Variants in GOSR2 observed in about 807,000 individuals in gnomAD.
GOSR2 encodes the protein 27 kDa Golgi SNARE protein.
GOSR2 carries 20 observed loss-of-function variants against 27.9 expected under a neutral mutation model. The ratio of observed to expected loss-of-function variants is 0.72; its 90% CI spans 0.50 to 1.04. The LOEUF (loss-of-function observed/expected upper bound fraction) is 1.04, where lower values mean the gene tolerates loss of function less well. GOSR2 is among the 50% of genes least tolerant of loss of function. The pLI is 0.00. For missense variants in GOSR2, 261 were observed against 270.5 expected (o/e 0.97, Z 0.25); for synonymous variants, 91 against 98.8 (o/e 0.92, Z 0.47).
chr17:46,923,501 AC>A, intron 1 of GOSR2: 1 of 1,378,316 alleles, frequency 7.3e-7, no homozygotes, highest in East Asian at 2.7e-5. Flanking sequence ...GGAAACTGGC[AC>A]CTGCAGGTTA....
intron 6 of GOSR2, among the ~76,000 whole-genome samples, chr17:46,953,690 T>A (rs2090528128): frequency 6.6e-6 from 1 of 151,698 alleles, no homozygotes; most frequent in Non-Finnish European, 1.5e-5. Flanking sequence ...CCTATTTCTC[T>A]CCAGCAGCTG....
At chr17:46,973,269 C>G (rs1469150382) in intron 6 of GOSR2, among the ~76,000 whole-genome samples, 1 of 151,856 alleles carries the variant, frequency 6.6e-6, no homozygotes, top group Non-Finnish European at 1.5e-5. Flanking sequence ...ATGACAATCT[C>G]ATATGACAGC....
At chr17:46,932,009 C>G (rs986680784) in intron 3 of GOSR2, 58 bp from the exon 4 acceptor site, 12 of 1,534,690 alleles carry the variant, frequency 7.8e-6, no homozygotes, top group Non-Finnish European at 1.1e-5. Flanking sequence ...AGCCTGGCCC[C>G]CTCAGATTCT....
intron 6 of GOSR2, among the ~76,000 whole-genome samples, chr17:46,962,190 G>A (rs566154794): frequency 2.0e-4 from 31 of 152,086 alleles, no homozygotes; most frequent in Non-Finnish European, 3.7e-4. Flanking sequence ...TTAGCCGGGC[G>A]TGATGGCATG....
intron 1 of GOSR2, among the ~76,000 whole-genome samples, chr17:46,927,129 A>G (rs2086614170): frequency 6.6e-6 from 1 of 152,022 alleles, no homozygotes; most frequent in Non-Finnish European, 1.5e-5. Context: ...ATTGCTTTTC[A>G]TTTGTGTTTT....
At chr17:46,923,276 C>G in intron 1 of GOSR2, 55 bp downstream of exon 1, 3 of 1,550,286 alleles carry the variant, frequency 1.9e-6, no homozygotes, top group South Asian at 2.4e-5. Context: ...CCAGGTGAGC[C>G]TGGCTTCTGG....
chr17:46,958,732 C>G (rs2090883448), intron 6 of GOSR2, among the ~76,000 whole-genome samples: 1 of 152,194 alleles, frequency 6.6e-6, no homozygotes, highest in South Asian at 2.1e-4. Flanking sequence ...AGAGATGGAG[C>G]CAACTTCCGG....
intron 6 of GOSR2, among the ~76,000 whole-genome samples, chr17:46,957,659 C>G (rs187539054): frequency 6.6e-6 from 1 of 152,120 alleles, no homozygotes; most frequent in Admixed American, 6.5e-5. Flanking sequence ...AGCAGGAAGC[C>G]CAGGTGAGGA....
In GOSR2 at chr17:46,923,197, A is replaced by G. The variant is rs1413496484; in HGVS notation, c.5A>G (p.Asp2Gly). M[D>G]PLFQQTHKQV... ...GTGGCCTGCGGGGCCGGCGACATGG[A>G]TCCCCTGTTCCAGCAAACGCACAAG... The change falls in exon 1 of 6, where the codon GAT (aspartate) becomes GGT (glycine). Residue 2 changes from aspartate to glycine, a missense_variant. Asp to Gly is a moderately conservative substitution (Grantham distance 94, BLOSUM62 -1). Coordinates refer to ENST00000640051, the MANE Select transcript of GOSR2 (RefSeq NM_004287.5). 18 of 1,547,378 alleles carry G rather than the reference A, an allele frequency of 1.2e-5. No homozygotes were observed. Among genetic ancestry groups the G allele is most frequent in the East Asian group, 9.8e-5 (4 of 40,906 alleles).
At position 46,955,330 on chromosome 17, in the gene GOSR2, G is replaced by A. The variant is rs568329055; in HGVS notation, c.584-11204G>A. Reference sequence around the variant, plus strand: ...TGCTGGATTACGTTTATTGATTTTCGTATGTTGAACCAGCCTTGCATCCCA... The same window carrying A: ...TGCTGGATTACGTTTATTGATTTTCATATGTTGAACCAGCCTTGCATCCCA... On this transcript the variant is annotated intron_variant, in intron 6 of 6. Transcript: ENST00000573224. 7.5e-4 allele frequency among the ~76,000 whole-genome samples: 113 copies of A among 151,176 alleles called. 1 individual carries two copies. In the South Asian group the frequency reaches 0.012, roughly 17 times the overall value.
At chr17:46,969,111 C>T (rs1302709788), downstream of GOSR2, among the ~76,000 whole-genome samples, 8 of 152,186 alleles carry the variant, frequency 5.3e-5, no homozygotes, top group Admixed American at 2.0e-4. Context: ...CCAGGAGAAG[C>T]GGAAGCCGAT....
intron 6 of GOSR2, among the ~76,000 whole-genome samples, chr17:46,954,884 G>C (rs1393968532): frequency 1.3e-5 from 2 of 152,216 alleles, no homozygotes; most frequent in Middle Eastern, 3.2e-3. Flanking sequence ...CTGAGACTTT[G>C]CTGAAGTTGC....
chr17:46,941,005 A>G lies in GOSR2; in HGVS notation c.*2245A>G, dbSNP rs111422753. The G allele has an allele frequency of 3.1e-4, 350 of 1,134,682 alleles. No homozygotes were observed. The African/African-American group carries it at 3.7e-3, about 12-fold the overall frequency. 70.3% of individuals were successfully genotyped at this position (1,134,682 alleles called of 1,614,324 possible). A position where few individuals can be genotyped will look rare whatever the true frequency, so the allele number is the denominator to read the frequency against. ...CCAGGCCAGGGAAGGAGCACCCTCT[A>G]GTGGAGGCGGGGGTGAATTCTTAGG... is the stretch of plus-strand genomic sequence containing the variant. On this transcript the variant is annotated 3_prime_UTR_variant, in exon 6 of 6. Coordinates refer to ENST00000640051, the MANE Select transcript of GOSR2 (RefSeq NM_004287.5).
Position 46,940,022 on chromosome 17 carries a change from C to T in GOSR2, c.*1262C>T. 1 of 1,039,968 alleles carries T rather than the reference C, an allele frequency of 9.6e-7. No individual in the cohort carries two copies. The highest frequency in any genetic ancestry group is 1.2e-6 in the Non-Finnish European group (1 of 862,742). 64.4% of individuals were successfully genotyped at this position (1,039,968 alleles called of 1,614,324 possible). On this transcript the variant is annotated 3_prime_UTR_variant, in exon 6 of 6. Coordinates refer to ENST00000640051, the MANE Select transcript of GOSR2 (RefSeq NM_004287.5). ...TCTGGAAACCGGCTCAGTATTAACC[C>T]TACCTTTGGTTGTCCTGCCCTACCT...
chr17:46,929,772 A>C, intron 2 of GOSR2, 188 bp downstream of exon 2: 1 of 587,432 alleles, frequency 1.7e-6, no homozygotes, highest in South Asian at 1.9e-5. Flanking sequence ...TTGGAATCCC[A>C]CAAGTCTTAT....
At chr17:46,960,863 G>A (rs2091008090) in intron 6 of GOSR2, among the ~76,000 whole-genome samples, 1 of 152,168 alleles carries the variant, frequency 6.6e-6, no homozygotes, top group African/African-American at 2.4e-5. Flanking sequence ...AGAGTTTGTG[G>A]ATTTGGCTAC....
chr17:46,940,471 G>C lies in GOSR2; in HGVS notation c.*1711G>C, dbSNP rs11657819. 1 of 1,611,232 alleles carries C rather than the reference G, an allele frequency of 6.2e-7. No individual in the cohort carries two copies. The highest frequency in any genetic ancestry group is 1.3e-5 in the African/African-American group (1 of 74,890). ...TTTCCATTACACACAGCACTGCTGC[G>C]GTGCCAGGGACCTAGCGCAGGACTT... is the stretch of plus-strand genomic sequence containing the variant. On this transcript the variant is annotated 3_prime_UTR_variant, in exon 6 of 6. Coordinates refer to ENST00000640051, the MANE Select transcript of GOSR2 (RefSeq NM_004287.5).
chr17:46,939,028 A>G lies in GOSR2; in HGVS notation c.*268A>G. 2 of 1,294,398 alleles carry G rather than the reference A, an allele frequency of 1.5e-6. No individual in the cohort carries two copies. The highest frequency in any genetic ancestry group is 2.0e-6 in the Non-Finnish European group (2 of 1,009,176). The allele number at this position is 1,294,398 out of a possible 1,614,324, so 80.2% of individuals were successfully genotyped here. On this transcript the variant is annotated 3_prime_UTR_variant, in exon 6 of 6. Coordinates refer to ENST00000640051, the MANE Select transcript of GOSR2 (RefSeq NM_004287.5). ...CTCTCACTCTCGCTCTCACTGGGGG[A>G]GGGAAAGAATGGCTTTGGTGGCTTT... is the stretch of plus-strand genomic sequence containing the variant.
downstream of GOSR2, among the ~76,000 whole-genome samples, chr17:46,944,584 G>A (rs1032159326): frequency 2.0e-5 from 3 of 151,562 alleles, no homozygotes; most frequent in African/African-American, 4.8e-5. Context: ...CTACAGTGGG[G>A]CCTGGGCTTC....
Sources: gnomAD v4.1 joint callset for allele counts (sites outside exome capture counted in the v4.1 genomes callset) on GRCh38, gnomAD v4.1.1 for gene constraint, MANE v1.5 for transcripts, NCBI Gene and HGNC (gene_info 2026-07-23, HGNC 2026-07-21) for gene names.